The following CPEB3 variants were observed in gnomAD, a reference collection of about 807,000 sequenced individuals.
CPEB3 encodes cytoplasmic polyadenylation element binding protein 3.
Under a neutral mutation model 67.2 loss-of-function variants are expected in CPEB3, and 20 were observed. The ratio of observed to expected loss-of-function variants is 0.30; its 90% confidence interval spans 0.21 to 0.43. CPEB3 has a LOEUF of 0.43. Among genes scored for constraint, CPEB3 ranks in the 20% least tolerant of loss-of-function variants. CPEB3 has a pLI of 1.00. For missense variants in CPEB3, 746 were observed against 968.6 expected, an observed-to-expected ratio of 0.77 and a Z score of 3.05; for synonymous variants, 376 against 393.1, an observed-to-expected ratio of 0.96 and a Z score of 0.51.
intron 6 of CPEB3, among the ~76,000 whole-genome samples, chr10:92,132,469 C>T (rs975532340): frequency 5.3e-5 from 8 of 151,798 alleles, no homozygotes; most frequent in East Asian, 1.9e-4. Context: ...TGTCTTGCAG[C>T]GGGAAAAATC....
chr10:92,279,223 G>C (rs1293471387), intron 1 of CPEB3, among the ~76,000 whole-genome samples: 1 of 152,032 alleles, frequency 6.6e-6, no homozygotes, highest in African/African-American at 2.4e-5. Context: ...TTCTATTCCT[G>C]AGTGGTCTTT....
chr10:92,082,675 A>G (rs1428119355), intron 8 of CPEB3, among the ~76,000 whole-genome samples: 2 of 152,198 alleles, frequency 1.3e-5, no homozygotes, highest in African/African-American at 4.8e-5. Flanking sequence ...TCTGAAGGTA[A>G]TTGTTTACTT....
chr10:92,164,081 C>T (rs750451282), intron 4 of CPEB3, among the ~76,000 whole-genome samples: 61 of 152,074 alleles, frequency 4.0e-4, no homozygotes, highest in East Asian at 1.9e-4. Context: ...AGGAGAATGA[C>T]GATCATAAAG....
intron 1 of CPEB3, among the ~76,000 whole-genome samples, chr10:92,272,889 T>A (rs1853365701): frequency 6.6e-6 from 1 of 151,998 alleles, no homozygotes; most frequent in East Asian, 1.9e-4. Context: ...TGGAGCAGAG[T>A]GGACTGGAGA....
intron 4 of CPEB3, among the ~76,000 whole-genome samples, chr10:92,179,088 T>C (rs537096107): frequency 1.3e-5 from 2 of 152,020 alleles, no homozygotes; most frequent in Non-Finnish European, 2.9e-5. Flanking sequence ...ATCAGCAAAA[T>C]GGCCGTTTTG....
chr10:92,244,807 C>T (rs778669968), intron 1 of CPEB3, among the ~76,000 whole-genome samples: 3 of 152,114 alleles, frequency 2.0e-5, no homozygotes, highest in Non-Finnish European at 4.4e-5. Context: ...AGGCTGGAAT[C>T]TCACAACATA....
intron 2 of CPEB3, among the ~76,000 whole-genome samples, chr10:92,214,687 T>C (rs1850259742): frequency 6.6e-6 from 1 of 152,046 alleles, no homozygotes; most frequent in Non-Finnish European, 1.5e-5. Flanking sequence ...GGTTTCACCA[T>C]ATTGGCCAGG....
intron 4 of CPEB3, among the ~76,000 whole-genome samples, chr10:92,152,822 C>T (rs1185104659): frequency 6.6e-6 from 1 of 152,118 alleles, no homozygotes; most frequent in Admixed American, 6.5e-5. Flanking sequence ...ATATTCGTTT[C>T]ACTTATTTAT....
rs1850614270 is a variant in CPEB3, at chr10:92,219,994, C to T, written c.1005+19352G>A. ...CCAATGTGGCAAAACCCCATCTCTG[C>T]TAAAAATACAAAAATTAGCCAAGTG... is the stretch of plus-strand genomic sequence containing the variant. On this transcript the variant is annotated intron_variant, in intron 2 of 9. Transcript: ENST00000265997. Among the ~76,000 whole-genome samples the T allele has an allele frequency of 3.3e-5, 5 of 152,238 alleles. No individual in the cohort carries two copies. In the South Asian group the frequency reaches 1.0e-3, roughly 32 times the overall value.
intron 9 of CPEB3, among the ~76,000 whole-genome samples, chr10:92,061,787 T>C (rs367679658): frequency 1.4e-4 from 21 of 152,312 alleles, no homozygotes; most frequent in East Asian, 1.3e-3. Flanking sequence ...AGGGTGACTA[T>C]AGTCAATAAT....
At chr10:92,108,358 C>T (rs1399384900) in intron 7 of CPEB3, among the ~76,000 whole-genome samples, 1 of 152,148 alleles carries the variant, frequency 6.6e-6, no homozygotes, top group African/African-American at 2.4e-5. Flanking sequence ...CAACACAGTT[C>T]TTACTTTTTT....
intron 2 of CPEB3, among the ~76,000 whole-genome samples, chr10:92,207,298 T>C (rs893480662): frequency 6.6e-6 from 1 of 152,150 alleles, no homozygotes; most frequent in Non-Finnish European, 1.5e-5. Flanking sequence ...TTCTTTCATG[T>C]ACATACACAC....
At chr10:92,286,080 C>T (rs1243704668) in intron 1 of CPEB3, among the ~76,000 whole-genome samples, 1 of 151,590 alleles carries the variant, frequency 6.6e-6, no homozygotes, top group Non-Finnish European at 1.5e-5. Flanking sequence ...GGACTACAGG[C>T]GCCCGCCACC....
chr10:92,235,282 C>T (rs1851474024), intron 2 of CPEB3, among the ~76,000 whole-genome samples: 1 of 152,146 alleles, frequency 6.6e-6, no homozygotes, highest in South Asian at 2.1e-4. Flanking sequence ...TCCATCTCTA[C>T]TAAAAATACA....
At chr10:92,223,614 C>T (rs1480048692) in intron 2 of CPEB3, among the ~76,000 whole-genome samples, 3 of 135,390 alleles carry the variant, frequency 2.2e-5, no homozygotes, top group East Asian at 2.2e-4. Flanking sequence ...CTCGCTGTCA[C>T]GCAGGCTGGA....
intron 3 of CPEB3, among the ~76,000 whole-genome samples, chr10:92,191,319 T>C (rs1848971979): frequency 6.6e-6 from 1 of 151,654 alleles, no homozygotes; most frequent in African/African-American, 2.4e-5. Context: ...GAATAATCAT[T>C]TGAACCTAGG....
intron 2 of CPEB3, among the ~76,000 whole-genome samples, chr10:92,200,859 G>A (rs1011187652): frequency 1.3e-5 from 2 of 152,080 alleles, no homozygotes; most frequent in African/African-American, 4.8e-5. Context: ...TTTTAGCCAG[G>A]CAGGTCAGAT....
At position 92,094,808 on chromosome 10, in the gene CPEB3, G is replaced by GACACAC. The variant is rs10654734; in HGVS notation, c.1573-2870_1573-2865dup. Among the ~76,000 whole-genome samples, 335 of 145,838 alleles carry GACACAC rather than the reference G, an allele frequency of 2.3e-3. 1 individual carries two copies. The highest frequency in any genetic ancestry group is 6.1e-3 in the African/African-American group (243 of 39,526). Reference sequence around the variant, plus strand: ...ACACTGTGAGAACAAAGATTCTAATGACACACACACACACACACACACACA... The same window carrying GACACAC: ...ACACTGTGAGAACAAAGATTCTAATGACACACACACACACACACACACACACACACA... On this transcript the variant is annotated intron_variant, in intron 7 of 9. Transcript: ENST00000265997.
chr10:92,209,149 G>C (rs1196755926), intron 2 of CPEB3, among the ~76,000 whole-genome samples: 1 of 152,116 alleles, frequency 6.6e-6, no homozygotes, highest in Non-Finnish European at 1.5e-5. Flanking sequence ...TAGCACTAAC[G>C]TTTGACAGTA....
Sources: gnomAD v4.1 joint callset for allele counts (sites outside exome capture counted in the v4.1 genomes callset) on GRCh38, gnomAD v4.1.1 for gene constraint, MANE v1.5 for transcripts, NCBI Gene and HGNC (gene_info 2026-07-23, HGNC 2026-07-21) for gene names.